Variants in GDA observed in about 807,000 individuals in gnomAD.
The protein encoded by GDA is cytoplasmic PSD-95 interactor.
A neutral mutation model predicts 59.6 loss-of-function variants in GDA; 18 were observed. The ratio of observed to expected loss-of-function variants is 0.30; its 90% confidence interval spans 0.21 to 0.45. GDA has a LOEUF of 0.45. Ranked by LOEUF, GDA falls within the 20% of genes least tolerant of loss-of-function variation. The pLI, the probability that GDA is intolerant of heterozygous loss-of-function variation, is 1.00. For missense variants in GDA, 427 were observed against 552.3 expected (o/e 0.77, Z 2.27); for synonymous variants, 201 against 201.1 (o/e 1.00, Z 0.00).
chr9:72,198,984 C>A (rs891266261), intron 2 of GDA, among the ~76,000 whole-genome samples: 1 of 151,908 alleles, frequency 6.6e-6, no homozygotes, highest in Non-Finnish European at 1.5e-5. Context: ...AAGAGGAAAG[C>A]TGAAAAGAAG....
At chr9:72,243,561 T>A (rs1294600971) in intron 11 of GDA, among the ~76,000 whole-genome samples, 1 of 152,230 alleles carries the variant, frequency 6.6e-6, no homozygotes, top group South Asian at 2.1e-4. Flanking sequence ...TTCTGTTACA[T>A]TCAGTCCTTT....
chr9:72,238,527 A>C (rs1309659967), intron 10 of GDA, among the ~76,000 whole-genome samples: 4 of 152,262 alleles, frequency 2.6e-5, no homozygotes, highest in Non-Finnish European at 4.4e-5. Context: ...TAAATCAAGC[A>C]CATGCAAGGA....
chr9:72,219,648 C>A, intron 6 of GDA, 142 bp downstream of exon 6: 1 of 540,252 alleles, frequency 1.9e-6, no homozygotes. Flanking sequence ...CCTGATGTGT[C>A]ACTGTGGACT....
At chr9:72,214,023 C>A in intron 5 of GDA, 32 bp downstream of exon 5, 1 of 1,181,358 alleles carries the variant, frequency 8.5e-7, no homozygotes, top group Non-Finnish European at 1.3e-6. Context: ...ATTTGTCTTA[C>A]AGGTGAATTC....
chr9:72,140,964 C>G (rs1445349135), intron 1 of GDA, among the ~76,000 whole-genome samples: 1 of 152,166 alleles, frequency 6.6e-6, no homozygotes, highest in Non-Finnish European at 1.5e-5. Context: ...CACTTTCAGC[C>G]TTGTCTGAAC....
At chr9:72,255,078 T>C (rs1465512261), downstream of GDA, among the ~76,000 whole-genome samples, 1 of 152,194 alleles carries the variant, frequency 6.6e-6, no homozygotes, top group African/African-American at 2.4e-5. Flanking sequence ...AAGAATTCAG[T>C]GTTAGACAGC....
At chr9:72,171,926 T>A (rs1348266023) in intron 1 of GDA, among the ~76,000 whole-genome samples, 20 of 152,190 alleles carry the variant, frequency 1.3e-4, no homozygotes, top group Non-Finnish European at 2.9e-5. Flanking sequence ...TTTTTTATTC[T>A]CATTTCACAG....
chr9:72,234,086 T>C (rs1177159849), intron 10 of GDA, among the ~76,000 whole-genome samples: 2 of 152,200 alleles, frequency 1.3e-5, no homozygotes, highest in Non-Finnish European at 2.9e-5. Flanking sequence ...TGAAATATTA[T>C]TTAGCAGTAA....
intron 1 of GDA, among the ~76,000 whole-genome samples, chr9:72,158,643 C>G (rs1828233822): frequency 6.6e-6 from 1 of 151,606 alleles, no homozygotes; most frequent in Non-Finnish European, 1.5e-5. Context: ...AGTTGTGAGG[C>G]AAGTGAGATA....
Position 72,245,200 on chromosome 9 carries a change from T to A in GDA, c.1188T>A (p.Asp396Glu). 6.2e-7 allele frequency: 1 copy of A among 1,612,972 alleles called. No homozygotes were observed. Among genetic ancestry groups the A allele is most frequent in the Non-Finnish European group, 8.5e-7 (1 of 1,178,906 alleles). ...IGNFEVGKEF[D>E]AILINPKASD... ...ACTTTGAAGTGGGCAAGGAATTTGA[T>A]GCCATCCTGATCAACCCCAAAGCAT... The change falls in exon 12 of 14, where the codon GAT becomes GAA. Residue 396 changes from aspartate (D) to glutamate (E), a missense_variant. Physicochemically the swap from Asp to Glu is conservative, Grantham distance 45. Transcript: ENST00000358399.
chr9:72,243,472 C>T (rs534843006), intron 11 of GDA, among the ~76,000 whole-genome samples: 2 of 152,170 alleles, frequency 1.3e-5, no homozygotes, highest in Non-Finnish European at 2.9e-5. Context: ...TCATTAAAAA[C>T]TCATACTTGA....
intron 1 of GDA, among the ~76,000 whole-genome samples, chr9:72,193,061 C>G (rs1832744840): frequency 6.6e-6 from 1 of 152,122 alleles, no homozygotes; most frequent in Non-Finnish European, 1.5e-5. Flanking sequence ...TGAGTTTCCT[C>G]AAAACAAGTA....
chr9:72,131,106 A>G (rs570820089), intron 1 of GDA, among the ~76,000 whole-genome samples: 4 of 152,204 alleles, frequency 2.6e-5, no homozygotes, highest in Admixed American at 6.5e-5. Flanking sequence ...AAGAGCTGAG[A>G]TTGATTAATC....
chr9:72,196,461 TG>T (rs1421305001), intron 2 of GDA, among the ~76,000 whole-genome samples: 5 of 147,172 alleles, frequency 3.4e-5, no homozygotes. Context: ...CACTCTAGCC[TG>T]GGTGAAAGAG....
At chr9:72,180,195 A>C (rs1831014659) in intron 1 of GDA, among the ~76,000 whole-genome samples, 1 of 152,106 alleles carries the variant, frequency 6.6e-6, no homozygotes, top group African/African-American at 2.4e-5. Flanking sequence ...CATCTCTACT[A>C]AAAATACAAA....
chr9:72,132,655 C>T (rs746558539), intron 1 of GDA, among the ~76,000 whole-genome samples: 35 of 152,090 alleles, frequency 2.3e-4, no homozygotes, highest in Non-Finnish European at 4.3e-4. Flanking sequence ...CAAAAATGCC[C>T]CATAAAGCAC....
intron 1 of GDA, among the ~76,000 whole-genome samples, chr9:72,126,853 C>G (rs1041352769): frequency 1.3e-5 from 2 of 152,028 alleles, no homozygotes; most frequent in Admixed American, 1.3e-4. Flanking sequence ...ATGCGTGAGC[C>G]ACCACACCCG....
chr9:72,194,503 C>G (rs910755890), intron 1 of GDA, among the ~76,000 whole-genome samples: 23 of 152,092 alleles, frequency 1.5e-4, no homozygotes, highest in African/African-American at 5.1e-4. Context: ...AAAGTCCTCC[C>G]CACCCTTCCC....
Position 72,251,707 on chromosome 9 carries a change from G to T in GDA, c.*3365G>T, listed in dbSNP as rs1027750273. The T allele has an allele frequency of 6.6e-6, 1 of 152,012 alleles. No individual in the cohort carries two copies. Among genetic ancestry groups the T allele is most frequent in the African/African-American group, 2.4e-5 (1 of 41,386 alleles). The allele number at this position is 152,012 out of a possible 1,614,324, so 9.4% of individuals were successfully genotyped here. On this transcript the variant is annotated 3_prime_UTR_variant, in exon 14 of 14. Coordinates refer to ENST00000358399, the MANE Select transcript of GDA (RefSeq NM_004293.5). ...ATTTCAGATATACTAGCCAGTTTAG[G>T]TATGACTTTGGAAGTGCAGAAACAG... is the stretch of plus-strand genomic sequence containing the variant.
Sources: gnomAD v4.1 joint callset for allele counts (sites outside exome capture counted in the v4.1 genomes callset) on GRCh38, gnomAD v4.1.1 for gene constraint, MANE v1.5 for transcripts, NCBI Gene and HGNC (gene_info 2026-07-23, HGNC 2026-07-21) for gene names.